The following SHD variants were observed in gnomAD, a reference collection of about 807,000 sequenced individuals.
SHD encodes SH2 domain-containing adapter protein D.
Under a neutral mutation model 31.2 loss-of-function variants are expected in SHD, and 29 were observed. The ratio of observed to expected loss-of-function variants is 0.93; its 90% CI spans 0.69 to 1.27. The LOEUF is 1.27. Ranked by LOEUF, SHD falls within the 50% of genes most tolerant of loss-of-function variation. SHD has a pLI of 0.00. For synonymous variants in SHD, 208 were observed against 187.8 expected, an observed-to-expected ratio of 1.11 and a Z score of -0.88; for missense variants, 520 against 453.8, an observed-to-expected ratio of 1.15 and a Z score of -1.33.
At chr19:4,286,255 CTTTCTCTCTTTCTTTCTTTCTTTCTTTTT>C (rs1568369397) in intron 4 of SHD, among the ~76,000 whole-genome samples, 1 of 108,350 alleles carries the variant, frequency 9.2e-6, no homozygotes, top group South Asian at 3.5e-4. Context: ...TTCTTTCTTT[CTTTCTCTCTTTCTTTCTTTCTTTCTTTTT>C]TTCTTTCCTT....
At chr19:4,286,253 TTCTTTC>T (rs1971312914) in intron 4 of SHD, among the ~76,000 whole-genome samples, 3 of 115,232 alleles carry the variant, frequency 2.6e-5, no homozygotes, top group African/African-American at 1.1e-4. Context: ...CTTTCTTTCT[TTCTTTC>T]TCTCTTTCTT....
rs888929 is a variant in SHD, at chr19:4,288,223, C to T, written c.717-20C>T. The T allele has an allele frequency of 0.39, 623,351 of 1,600,244 alleles. 126,366 individuals carry two copies. The highest frequency in any genetic ancestry group is 0.58 in the African/African-American group (43,527 of 74,476). On this transcript the variant is annotated intron_variant, in intron 4 of 5. Transcript: ENST00000543264. Reference sequence around the variant, plus strand: ...TTGAAGGGAATGGCCCTTGATGAGACATCTGTCCATACTCGCTAGGTGGTT... The same window carrying T: ...TTGAAGGGAATGGCCCTTGATGAGATATCTGTCCATACTCGCTAGGTGGTT...
intron 1 of SHD, among the ~76,000 whole-genome samples, chr19:4,280,786 C>T (rs535335639): frequency 1.3e-5 from 2 of 152,228 alleles, no homozygotes; most frequent in East Asian, 1.9e-4. Context: ...CTCTGCCTCC[C>T]GAAGTGCTGG....
intron 5 of SHD, 57 bp downstream of exon 5, chr19:4,288,419 T>G: frequency 6.5e-7 from 1 of 1,527,878 alleles, no homozygotes; most frequent in Non-Finnish European, 8.8e-7. Context: ...GTCACCCTTT[T>G]GGGTTAATTC....
At position 4,280,130 on chromosome 19, in the gene SHD, C is replaced by G; in HGVS notation, c.67C>G (p.Pro23Ala). ...GRRPPPQPPT[P>A]DYTESDILRA... The stretch of plus-strand genomic sequence containing the variant: ...GAGGCCCCCTCCGCAGCCGCCCACC[C>G]CGGACTACACCGAGAGCGACATCCT... The change falls in exon 1 of 6, where the codon CCG (proline) becomes GCG (alanine). Residue 23 changes from proline (P) to alanine (A), a missense_variant. Coordinates refer to ENST00000543264, the MANE Select transcript of SHD (RefSeq NM_020209.4). 3 of 1,612,480 alleles carry G rather than the reference C, an allele frequency of 1.9e-6. No individual in the cohort carries two copies. The highest frequency in any genetic ancestry group is 2.5e-6 in the Non-Finnish European group (3 of 1,179,542).
In SHD at chr19:4,280,236, C is replaced by A. The variant is rs745601729; in HGVS notation, c.173C>A (p.Ala58Glu). The A allele has an allele frequency of 1.2e-6, 2 of 1,613,834 alleles. No individual in the cohort carries two copies. The highest frequency in any genetic ancestry group is 2.2e-5 in the East Asian group (1 of 44,868). The change falls in exon 1 of 6, where the codon GCG becomes GAG. Residue 58 changes from alanine (A) to glutamate (E), a missense_variant. Coordinates refer to ENST00000543264, the MANE Select transcript of SHD (RefSeq NM_020209.4). ...GAGAGCCGCTTGGAGCCGGACCCCG[C>A]GGGCCCTGGGGACTCCAAGAACCCC... ...DAESRLEPDP[A>E]GPGDSKNPGD...
At chr19:4,286,857 C>A (rs530976298) in intron 4 of SHD, among the ~76,000 whole-genome samples, 1 of 150,516 alleles carries the variant, frequency 6.6e-6, no homozygotes, top group Non-Finnish European at 1.5e-5. Flanking sequence ...TCCAGCCTGG[C>A]GACAGAGTGA....
At position 4,290,664 on chromosome 19, in the gene SHD, G is replaced by C; in HGVS notation, c.*31G>C. ...ACCCTCGGCCCCCTTTTGAGTCCTC[G>C]GGCCCAGAATCGTATCCCAAAGCCC... On this transcript the variant is annotated 3_prime_UTR_variant, in exon 6 of 6. Transcript: ENST00000543264. 1 of 1,555,992 alleles carries C rather than the reference G, an allele frequency of 6.4e-7. No homozygotes were observed. The highest frequency in any genetic ancestry group is 1.9e-5 in the Admixed American group (1 of 51,842).
rs1441530543 is a variant in SHD, at chr19:4,282,924, C to A, written c.352C>A (p.Pro118Thr). 1.2e-6 allele frequency: 2 copies of A among 1,613,882 alleles called. No individual in the cohort carries two copies. The highest frequency in any genetic ancestry group is 8.5e-7 in the Non-Finnish European group (1 of 1,179,978). The change falls in exon 2 of 6, where the codon CCC becomes ACC. Residue 118 changes from proline to threonine, a missense_variant. Transcript: ENST00000543264. The part of the protein sequence containing the change: ...DPFDAQPHPA[P>T]PDDGYMEPYD... ...CTTTGATGCTCAGCCTCATCCTGCA[C>A]CCCCGGATGATGGGTACATGGAGCC...
At position 4,283,059 on chromosome 19, in the gene SHD, C is replaced by T. The variant is rs138118908; in HGVS notation, c.409C>T (p.Pro137Ser). The change falls in exon 3 of 6, where the codon CCC becomes TCC. Residue 137 changes from proline to serine, a missense_variant. Transcript: ENST00000543264. ...YDAQWVMSEL[P>S]GRGVQLYDTP... The stretch of plus-strand genomic sequence containing the variant: ...CAGTGTCCCTGGCCTCCTAGAACTT[C>T]CCGGCAGAGGGGTGCAGCTCTATGA... 3 of 1,613,638 alleles carry T rather than the reference C, an allele frequency of 1.9e-6. No homozygotes were observed. The highest frequency in any genetic ancestry group is 4.5e-5 in the East Asian group (2 of 44,866).
At chr19:4,281,093 G>A (rs572055552) in intron 1 of SHD, among the ~76,000 whole-genome samples, 87 of 152,072 alleles carry the variant, frequency 5.7e-4, no homozygotes, top group African/African-American at 2.0e-3. Flanking sequence ...GCGAAACTGA[G>A]GCTCGCAGAA....
chr19:4,283,101 C>G lies in SHD; in HGVS notation c.451C>G (p.Gln151Glu). The G allele has an allele frequency of 1.9e-6, 3 of 1,614,126 alleles. No individual in the cohort carries two copies. Among genetic ancestry groups the G allele is most frequent in the Non-Finnish European group, 2.5e-6 (3 of 1,180,014 alleles). The change falls in exon 3 of 6, where the codon CAG (glutamine) becomes GAG (glutamate). Residue 151 changes from glutamine to glutamate, a missense_variant. Transcript: ENST00000543264. ...VQLYDTPYEE[Q>E]DPETADGPPS... is the part of the protein sequence containing the mutation. Reference sequence around the variant, plus strand: ...GCTCTATGACACCCCTTATGAGGAACAGGACCCAGAGACAGCAGATGGACC... The same window carrying G: ...GCTCTATGACACCCCTTATGAGGAAGAGGACCCAGAGACAGCAGATGGACC...
chr19:4,284,738 G>T, intron 3 of SHD, 43 bp from the exon 4 acceptor site: 1 of 1,477,748 alleles, frequency 6.8e-7, no homozygotes, highest in South Asian at 1.4e-5. Flanking sequence ...GCCCCCCAAG[G>T]TAGGCTGGAC....
chr19:4,281,795 AAGAGCC>A (rs1484442692), intron 1 of SHD, among the ~76,000 whole-genome samples: 1 of 152,068 alleles, frequency 6.6e-6, no homozygotes, highest in Non-Finnish European at 1.5e-5. Flanking sequence ...CGTTGGTAAG[AAGAGCC>A]AGGGACTCGA....
intron 5 of SHD, 101 bp downstream of exon 5, chr19:4,288,463 T>C (rs1387724156): frequency 1.4e-6 from 2 of 1,397,886 alleles, no homozygotes; most frequent in Non-Finnish European, 1.9e-6. Flanking sequence ...CCCGCAGCCA[T>C]AGGGAAGGGC....
chr19:4,288,134 A>T (rs1183591122), intron 4 of SHD, 109 bp from the exon 5 acceptor site: 2 of 1,315,600 alleles, frequency 1.5e-6, no homozygotes, highest in Admixed American at 4.6e-5. Flanking sequence ...CGAACTCCTG[A>T]CCTCAGGCAA....
chr19:4,282,896 C>G lies in SHD; in HGVS notation c.324C>G (p.Asp108Glu). 2 of 1,614,044 alleles carry G rather than the reference C, an allele frequency of 1.2e-6. No individual in the cohort carries two copies. Among genetic ancestry groups the G allele is most frequent in the Non-Finnish European group, 1.7e-6 (2 of 1,180,024 alleles). Residue 108 changes from aspartate (D) to glutamate (E), a missense_variant, in exon 2 of 6, where the codon GAC becomes GAG. By Grantham distance (45) the Asp-to-Glu change is conservative. Transcript: ENST00000543264. ...EELEADTEYL[D>E]PFDAQPHPAP... ...TGGAAGCCGACACTGAGTATTTAGA[C>G]CCCTTTGATGCTCAGCCTCATCCTG...
At chr19:4,288,407 G>A (rs544530289) in intron 5 of SHD, 45 bp downstream of exon 5, 4 of 1,578,448 alleles carry the variant, frequency 2.5e-6, no homozygotes, top group African/African-American at 2.7e-5. Context: ...AGGATTGCGT[G>A]AGTCACCCTT....
intron 4 of SHD, among the ~76,000 whole-genome samples, chr19:4,285,175 C>G (rs897743634): frequency 1.3e-5 from 2 of 152,158 alleles, no homozygotes; most frequent in Non-Finnish European, 2.9e-5. Context: ...GGCTGTGTAG[C>G]CTGGGGCAAG....
Sources: allele counts gnomAD v4.1 joint callset (sites outside exome capture counted in the v4.1 genomes callset), GRCh38; gene constraint gnomAD v4.1.1; transcripts MANE v1.5; gene names NCBI Gene and HGNC (gene_info 2026-07-23, HGNC 2026-07-21).